The following SNAPC3 variants were observed in gnomAD, a reference collection of about 807,000 sequenced individuals.
SNAPC3 encodes the protein snRNA-activating protein complex subunit 3.
Under a neutral mutation model 47.7 loss-of-function variants are expected in SNAPC3, and 56 were observed. The observed-to-expected ratio is 1.18, with a 90% CI of 0.95 to 1.47. The LOEUF (loss-of-function observed/expected upper bound fraction) is 1.47, where lower values mean the gene tolerates loss of function less well. Ranked by LOEUF, SNAPC3 falls within the 40% of genes most tolerant of loss-of-function variation. The pLI is 0.00. For missense variants in SNAPC3, 665 were observed against 511.3 expected, an observed-to-expected ratio of 1.30 and a Z score of -2.90; for synonymous variants, 235 against 189.9, an observed-to-expected ratio of 1.24 and a Z score of -1.95.
In SNAPC3 at chr9:15,451,316, G is replaced by A; in HGVS notation, c.733-4G>A. 3 of 1,258,388 alleles carry A rather than the reference G, an allele frequency of 2.4e-6. No individual in the cohort carries two copies. The highest frequency in any genetic ancestry group is 2.2e-6 in the Non-Finnish European group (2 of 893,294). 78.0% of individuals were successfully genotyped at this position (1,258,388 alleles called of 1,614,324 possible). On this transcript the variant is annotated splice_region_variant and splice_polypyrimidine_tract_variant and intron_variant, in intron 5 of 8. Transcript: ENST00000380821. ...TTCTCTCAATACAATCTGTTTTCTT[G>A]TAGGACCTATACAAATCAGCCTTCT...
At chr9:15,425,332 C>T (rs370509300) in intron 2 of SNAPC3, among the ~76,000 whole-genome samples, 3 of 152,172 alleles carry the variant, frequency 2.0e-5, no homozygotes, top group African/African-American at 7.2e-5. Context: ...ATTCTCCTGC[C>T]TCAGCCTCCG....
chr9:15,437,192 A>G (rs763844995), intron 3 of SNAPC3, among the ~76,000 whole-genome samples: 2 of 151,270 alleles, frequency 1.3e-5, no homozygotes, highest in Non-Finnish European at 2.9e-5. Context: ...TTATCCCTAA[A>G]TATTTTATTC....
chr9:15,423,216 C>G (rs749788668), intron 1 of SNAPC3, 23 bp downstream of exon 1: 15 of 1,554,534 alleles, frequency 9.6e-6, no homozygotes, highest in Non-Finnish European at 1.3e-5. Flanking sequence ...CAAAGGGGCT[C>G]TTGCAGCTTG....
At chr9:15,451,816 A>C (rs954792493) in intron 6 of SNAPC3, among the ~76,000 whole-genome samples, 2 of 152,084 alleles carry the variant, frequency 1.3e-5, no homozygotes, top group African/African-American at 4.8e-5. Flanking sequence ...TCCAGCATAT[A>C]CTATTGTTTG....
intron 2 of SNAPC3, among the ~76,000 whole-genome samples, chr9:15,427,741 A>G (rs1041637992): frequency 6.6e-6 from 1 of 152,240 alleles, no homozygotes; most frequent in Non-Finnish European, 1.5e-5. Context: ...TTACAGGTCC[A>G]GGATGTACTG....
intron 5 of SNAPC3, among the ~76,000 whole-genome samples, chr9:15,449,999 AAAACACATATATATT>A (rs1164325255): frequency 6.6e-6 from 1 of 152,202 alleles, no homozygotes; most frequent in Non-Finnish European, 1.5e-5. Context: ...AGTGTTTTGT[AAAACACATATATATT>A]AAACTTCATT....
chr9:15,457,680 C>T (rs189442420), intron 7 of SNAPC3, among the ~76,000 whole-genome samples: 17 of 152,304 alleles, frequency 1.1e-4, no homozygotes, highest in Admixed American at 3.3e-4. Flanking sequence ...TACATAATAA[C>T]TCCCTCTTAA....
intron 3 of SNAPC3, among the ~76,000 whole-genome samples, chr9:15,442,842 C>G (rs1014726134): frequency 6.6e-6 from 1 of 152,144 alleles, no homozygotes; most frequent in Non-Finnish European, 1.5e-5. Context: ...GAGGTTGTAG[C>G]AAGCCGAGAT....
chr9:15,424,526 G>C (rs907827534), intron 2 of SNAPC3, among the ~76,000 whole-genome samples: 4 of 151,196 alleles, frequency 2.6e-5, no homozygotes, highest in Non-Finnish European at 5.9e-5. Context: ...CTAGAAAAAT[G>C]GAATTAAAAA....
intron 2 of SNAPC3, among the ~76,000 whole-genome samples, chr9:15,427,874 C>T (rs1412706551): frequency 6.6e-6 from 1 of 152,008 alleles, no homozygotes; most frequent in African/African-American, 2.4e-5. Context: ...TTTAAAAAAA[C>T]TTAAACAGGG....
At chr9:15,443,092 G>A (rs554907174) in intron 3 of SNAPC3, among the ~76,000 whole-genome samples, 504 of 152,344 alleles carry the variant, frequency 3.3e-3, no homozygotes, top group South Asian at 6.8e-3. Flanking sequence ...AATCAGGCAG[G>A]GAGGTTGCAG....
At chr9:15,442,098 G>A (rs1449732500) in intron 3 of SNAPC3, among the ~76,000 whole-genome samples, 7 of 149,828 alleles carry the variant, frequency 4.7e-5, no homozygotes, top group Non-Finnish European at 7.4e-5. Flanking sequence ...GGGGCGGCTG[G>A]CCAGGCGGGG....
chr9:15,435,423 A>C (rs1587228855), intron 3 of SNAPC3, among the ~76,000 whole-genome samples: 1 of 152,130 alleles, frequency 6.6e-6, no homozygotes, highest in East Asian at 1.9e-4. Context: ...AAATACAAAA[A>C]TTAGCCGGGC....
In SNAPC3 at chr9:15,422,903, C is replaced by G. The variant is rs1563835403; in HGVS notation, c.24C>G (p.Gly8=). 6.5e-7 allele frequency: 1 copy of G among 1,534,238 alleles called. No homozygotes were observed. The highest frequency in any genetic ancestry group is 8.8e-7 in the Non-Finnish European group (1 of 1,141,154). The change falls in exon 1 of 9, where the codon GGC becomes GGG. Residue 8 remains glycine (G), a synonymous_variant. Coordinates refer to ENST00000380821, the MANE Select transcript of SNAPC3 (RefSeq NM_001039697.2). The part of the protein sequence containing the change: MAEGSRG[G]PTCSGVGGRQ... Reference sequence around the variant, plus strand: ...ACATGGCTGAAGGAAGCCGAGGTGGCCCTACGTGTAGCGGGGTGGGTGGCA... The same window carrying G: ...ACATGGCTGAAGGAAGCCGAGGTGGGCCTACGTGTAGCGGGGTGGGTGGCA...
chr9:15,442,608 C>T (rs1010801462), intron 3 of SNAPC3, among the ~76,000 whole-genome samples: 6 of 148,524 alleles, frequency 4.0e-5, no homozygotes, highest in East Asian at 4.0e-4. Flanking sequence ...ACATCTCAGA[C>T]AATGGGCGGC....
downstream of SNAPC3, chr9:15,466,601 T>C: frequency 1.7e-6 from 1 of 605,442 alleles, no homozygotes; most frequent in Non-Finnish European, 2.7e-6. Flanking sequence ...TCTTCTTCCT[T>C]TTTGAATTGT....
intron 3 of SNAPC3, among the ~76,000 whole-genome samples, chr9:15,439,775 C>T (rs991863046): frequency 2.6e-5 from 4 of 152,210 alleles, no homozygotes; most frequent in African/African-American, 9.6e-5. Context: ...CTCAAGTGAT[C>T]CACCTGCCTC....
intron 5 of SNAPC3, among the ~76,000 whole-genome samples, chr9:15,448,369 T>C (rs965832349): frequency 1.3e-5 from 2 of 152,174 alleles, no homozygotes; most frequent in African/African-American, 4.8e-5. Flanking sequence ...TTTTCATCAG[T>C]GTACCATACT....
chr9:15,439,331 C>CT (rs2033114470), intron 3 of SNAPC3, among the ~76,000 whole-genome samples: 1 of 152,074 alleles, frequency 6.6e-6, no homozygotes, highest in Admixed American at 6.5e-5. Context: ...TATATATCTT[C>CT]TTGCTGGATG....
Sources: gnomAD v4.1 joint callset for allele counts (sites outside exome capture counted in the v4.1 genomes callset) on GRCh38, gnomAD v4.1.1 for gene constraint, MANE v1.5 for transcripts, NCBI Gene and HGNC (gene_info 2026-07-23, HGNC 2026-07-21) for gene names.